Variants in EYS observed in about 807,000 individuals in gnomAD.
EYS encodes EGF-like photoreceptor maintenance factor, also known as protein eyes shut homolog.
In EYS, 250 loss-of-function variants were observed where a neutral mutation model predicts 282.1. The ratio of observed to expected loss-of-function variants is 0.89; its 90% CI spans 0.80 to 0.98. EYS has a LOEUF of 0.98. EYS is among the 50% of genes least tolerant of loss of function. The probability of loss-of-function intolerance (pLI) is 0.00; values close to 1 mark genes in which losing one functional copy is unlikely to be tolerated. For missense variants in EYS, 4,016 were observed against 3,709.0 expected (o/e 1.08, Z -2.15); for synonymous variants, 1,355 against 1,282.9 (o/e 1.06, Z -1.20).
At chr6:64,184,548 C>T (rs187700647) in intron 31 of EYS, among the ~76,000 whole-genome samples, 1 of 142,062 alleles carries the variant, frequency 7.0e-6, no homozygotes, top group Admixed American at 7.2e-5. Flanking sequence ...TAAAAAGTCA[C>T]CATTATGCAA....
intron 26 of EYS, among the ~76,000 whole-genome samples, chr6:64,567,391 CTT>C (rs1164137406): frequency 6.6e-6 from 1 of 152,076 alleles, no homozygotes; most frequent in Admixed American, 6.6e-5. Context: ...TATTTGATGA[CTT>C]AATGTGTATT....
intron 2 of EYS, among the ~76,000 whole-genome samples, chr6:65,546,785 G>C (rs941586116): frequency 6.6e-6 from 1 of 151,834 alleles, no homozygotes; most frequent in Non-Finnish European, 1.5e-5. Flanking sequence ...TGGCCGGGGC[G>C]GTCTTGAAAT....
At chr6:65,398,445 C>G (rs758746879) in intron 7 of EYS, among the ~76,000 whole-genome samples, 1 of 151,766 alleles carries the variant, frequency 6.6e-6, no homozygotes, top group African/African-American at 2.4e-5. Flanking sequence ...AACTAGACCC[C>G]TATCTTTTAC....
intron 12 of EYS, among the ~76,000 whole-genome samples, chr6:65,282,919 G>C (rs1768264692): frequency 6.6e-6 from 1 of 151,806 alleles, no homozygotes; most frequent in African/African-American, 2.4e-5. Context: ...TTCTCAAAAA[G>C]TTTCATGTAA....
At chr6:65,567,144 A>T (rs1002820290) in intron 2 of EYS, among the ~76,000 whole-genome samples, 1 of 151,720 alleles carries the variant, frequency 6.6e-6, no homozygotes. Context: ...TTGTCCTTCC[A>T]CCTTCTGCCA....
chr6:65,088,667 A>G (rs111374325), intron 12 of EYS, among the ~76,000 whole-genome samples: 225 of 152,290 alleles, frequency 1.5e-3, no homozygotes, highest in Middle Eastern at 0.01. Flanking sequence ...GGAGAAATTC[A>G]AGCCTGCTAT....
chr6:63,997,023 T>A (rs1450167170), intron 34 of EYS, among the ~76,000 whole-genome samples: 1 of 152,202 alleles, frequency 6.6e-6, no homozygotes. Context: ...ACATAATGAT[T>A]CTTTGAATAT....
At position 65,261,935 on chromosome 6, in the gene EYS, T is replaced by TTTTCCAATTGA. The variant is rs540554540; in HGVS notation, c.2023+33927_2023+33928insTCAATTGGAAA. ...TTTGCTTTTCCAATTGAACAAGGTC[T>TTTTCCAATTGA]ACTAACATTATATTTATGGACACGT... On this transcript the variant is annotated intron_variant, in intron 12 of 42. Transcript: ENST00000503581. 4.1e-3 allele frequency among the ~76,000 whole-genome samples: 626 copies of TTTTCCAATTGA among 152,228 alleles called. 2 individuals carry two copies. The highest frequency in any genetic ancestry group is 0.017 in the Middle Eastern group (5 of 294).
chr6:64,328,725 A>G (rs1770524520), intron 29 of EYS, among the ~76,000 whole-genome samples: 1 of 152,206 alleles, frequency 6.6e-6, no homozygotes, highest in South Asian at 2.1e-4. Flanking sequence ...GAGAGAAGCC[A>G]GACACAGAGC....
At chr6:64,593,064 C>A in intron 25 of EYS, 53 bp downstream of exon 25, 5 of 1,314,566 alleles carry the variant, frequency 3.8e-6, no homozygotes, top group Admixed American at 7.2e-5. Flanking sequence ...ATGCTTTTAC[C>A]ACACAACTTT....
intron 26 of EYS, among the ~76,000 whole-genome samples, chr6:64,541,552 T>C (rs1764696052): frequency 1.3e-5 from 2 of 152,328 alleles, no homozygotes; most frequent in Non-Finnish European, 1.5e-5. Flanking sequence ...CATTTTTTTT[T>C]CAGAAGCCTC....
chr6:65,243,060 A>G (rs972823156), intron 12 of EYS, among the ~76,000 whole-genome samples: 2 of 152,176 alleles, frequency 1.3e-5, no homozygotes, highest in East Asian at 1.9e-4. Flanking sequence ...CTTACATTGT[A>G]TATAACAATA....
intron 40 of EYS, among the ~76,000 whole-genome samples, chr6:63,764,540 C>T (rs981693267): frequency 6.6e-6 from 1 of 151,814 alleles, no homozygotes; most frequent in Non-Finnish European, 1.5e-5. Context: ...TCTAGTGGTT[C>T]ATTTTATATC....
At chr6:64,046,838 A>G (rs541818527) in intron 33 of EYS, among the ~76,000 whole-genome samples, 1 of 152,226 alleles carries the variant, frequency 6.6e-6, no homozygotes, top group Non-Finnish European at 1.5e-5. Context: ...GGAATGAGGT[A>G]TAGTCTGTCA....
chr6:65,111,382 C>T (rs1775207529), intron 12 of EYS, among the ~76,000 whole-genome samples: 1 of 152,052 alleles, frequency 6.6e-6, no homozygotes, highest in Non-Finnish European at 1.5e-5. Flanking sequence ...CTAGCCCTAA[C>T]CCCCAAATTT....
intron 2 of EYS, among the ~76,000 whole-genome samples, chr6:65,620,159 A>T (rs1766415606): frequency 6.6e-6 from 1 of 152,180 alleles, no homozygotes; most frequent in Non-Finnish European, 1.5e-5. Context: ...CTCTGGTAGA[A>T]TTCGGCTGTG....
In EYS at chr6:64,394,893, G is replaced by C. The variant is rs145783747; in HGVS notation, c.5928-6053C>G. Among the ~76,000 whole-genome samples, 122 of 152,222 alleles carry C rather than the reference G, an allele frequency of 8.0e-4. 3 individuals are homozygous for C. The East Asian group carries it at 0.022, about 27-fold the overall frequency. ...TTGCAACCTACTCATCTGACAAAGG[G>C]CTTATATCCAGAATCTACAATGAAC... On this transcript the variant is annotated intron_variant, in intron 28 of 42. Coordinates refer to ENST00000503581, the MANE Select transcript of EYS (RefSeq NM_001142800.2).
Position 65,359,860 on chromosome 6 carries a change from GATAGAATATTTGT to G in EYS, c.1300-6256_1300-6244del, listed in dbSNP as rs1764632372. Among the ~76,000 whole-genome samples, 4 of 151,576 alleles carry G rather than the reference GATAGAATATTTGT, an allele frequency of 2.6e-5. No homozygotes were observed. In the South Asian group the frequency reaches 8.3e-4, roughly 32 times the overall value. ...TTTCATCATTTTTTTCAGTAGCCTG[GATAGAATATTTGT>G]ATATTCATTTCCATACTTCAGATAA... On this transcript the variant is annotated intron_variant, in intron 8 of 42. Transcript: ENST00000503581.
intron 12 of EYS, among the ~76,000 whole-genome samples, chr6:65,196,258 G>C (rs1765764189): frequency 6.6e-6 from 1 of 151,496 alleles, no homozygotes; most frequent in South Asian, 2.1e-4. Flanking sequence ...TCTTTAATAG[G>C]ATTCACTTAA....
Sources: gnomAD v4.1 joint callset for allele counts (sites outside exome capture counted in the v4.1 genomes callset) on GRCh38, gnomAD v4.1.1 for gene constraint, MANE v1.5 for transcripts, NCBI Gene and HGNC (gene_info 2026-07-23, HGNC 2026-07-21) for gene names.